ULK4: variants seen among roughly 807,000 people sequenced by gnomAD.
ULK4 encodes inactive serine/threonine-protein kinase ULK4.
A neutral mutation model predicts 160.6 loss-of-function variants in ULK4; 133 were observed. The observed-to-expected ratio is 0.83, with a 90% CI of 0.72 to 0.96. ULK4 has a LOEUF of 0.96. ULK4 is among the 40% of genes least tolerant of loss of function. ULK4 has a pLI of 0.00. For missense variants in ULK4, 1,580 were observed against 1,499.5 expected (o/e 1.05, Z -0.89); for synonymous variants, 534 against 539.8 (o/e 0.99, Z 0.15).
At chr3:41,388,928 T>G (rs1184005787) in intron 35 of ULK4, among the ~76,000 whole-genome samples, 1 of 152,114 alleles carries the variant, frequency 6.6e-6, no homozygotes, top group Non-Finnish European at 1.5e-5. Context: ...ATTGGTAGCT[T>G]GATGGGGATG....
rs1235314925 is a variant in ULK4 at position 41,696,157 on chromosome 3, G to A, written c.2781+8900C>T. 9.9e-5 allele frequency among the ~76,000 whole-genome samples: 15 copies of A among 152,118 alleles called. 1 individual carries two copies. Among genetic ancestry groups the A allele is most frequent in the Admixed American group, 7.9e-4 (12 of 15,276 alleles). Reference sequence around the variant, plus strand: ...AAAAGACTCTACTCCTCCACCTCTTGTGGAAGGCCTGACATGAGTCAGGCC... The same window carrying A: ...AAAAGACTCTACTCCTCCACCTCTTATGGAAGGCCTGACATGAGTCAGGCC... On this transcript the variant is annotated intron_variant, in intron 27 of 36. Transcript: ENST00000301831.
At chr3:41,335,260 T>C (rs2080531145) in intron 35 of ULK4, among the ~76,000 whole-genome samples, 1 of 152,220 alleles carries the variant, frequency 6.6e-6, no homozygotes, top group South Asian at 2.1e-4. Context: ...ACAGGTCATT[T>C]AATGCTGGTT....
At chr3:41,896,563 A>AT (rs1030753021) in intron 15 of ULK4, among the ~76,000 whole-genome samples, 4 of 151,752 alleles carry the variant, frequency 2.6e-5, no homozygotes, top group Admixed American at 2.0e-4. Context: ...CTGATTTCAG[A>AT]TTTTTTTTTA....
intron 21 of ULK4, chr3:41,767,013 A>T (rs974518855): frequency 6.6e-6 from 1 of 152,246 alleles, no homozygotes; most frequent in Admixed American, 6.5e-5. Flanking sequence ...TAACTGTGAA[A>T]TATGTTCACT....
At chr3:41,559,025 C>T (rs113993526) in intron 32 of ULK4, among the ~76,000 whole-genome samples, 7 of 113,710 alleles carry the variant, frequency 6.2e-5, no homozygotes, top group Non-Finnish European at 7.8e-5. Context: ...ATCCCTCCCC[C>T]CTACCCCCAC....
chr3:41,663,228 AAAAG>A (rs1364380327), intron 30 of ULK4, among the ~76,000 whole-genome samples: 3 of 152,170 alleles, frequency 2.0e-5, no homozygotes, highest in African/African-American at 7.2e-5. Context: ...CTCAAAAAAA[AAAAG>A]AAAAGTATGT....
At chr3:41,536,739 G>A (rs1559376432) in intron 32 of ULK4, among the ~76,000 whole-genome samples, 1 of 152,180 alleles carries the variant, frequency 6.6e-6, no homozygotes, top group Non-Finnish European at 1.5e-5. Context: ...TGAGGAGGAA[G>A]AGGAGGGGTT....
intron 2 of ULK4, among the ~76,000 whole-genome samples, chr3:41,939,469 T>C (rs1308905386): frequency 6.7e-6 from 1 of 148,210 alleles, no homozygotes; most frequent in Non-Finnish European, 1.5e-5. Context: ...CAAGCAATGA[T>C]TATCTGTAGG....
chr3:41,555,368 C>A (rs930007783), intron 32 of ULK4, among the ~76,000 whole-genome samples: 5 of 147,870 alleles, frequency 3.4e-5, no homozygotes, highest in African/African-American at 1.2e-4. Context: ...AGGCAAAGGA[C>A]ATGAACAGAT....
In ULK4 at chr3:41,809,493, C is replaced by T. The variant is rs576412499; in HGVS notation, c.1849-9200G>A. On this transcript the variant is annotated intron_variant, in intron 19 of 36. Transcript: ENST00000301831. ...TGGTGCTCTTTATTGAAAAAGTAGG[C>T]GTGTAGACTAAGATTATATTTGTGT... Among the ~76,000 whole-genome samples the T allele has an allele frequency of 1.3e-3, 196 of 152,152 alleles. 1 individual carries two copies. The highest frequency in any genetic ancestry group is 0.01 in the Middle Eastern group (3 of 294).
At chr3:41,371,939 G>A (rs1244828398) in intron 35 of ULK4, among the ~76,000 whole-genome samples, 1 of 152,014 alleles carries the variant, frequency 6.6e-6, no homozygotes, top group Non-Finnish European at 1.5e-5. Context: ...CCAGTTTAGA[G>A]AAGAACATAA....
chr3:41,829,791 A>G (rs1486597241), intron 18 of ULK4, among the ~76,000 whole-genome samples: 2 of 146,652 alleles, frequency 1.4e-5, no homozygotes, highest in African/African-American at 2.7e-5. Flanking sequence ...CCATCCCATT[A>G]CTGGGTATAT....
intron 25 of ULK4, among the ~76,000 whole-genome samples, chr3:41,706,765 T>C (rs939293592): frequency 6.7e-6 from 1 of 148,386 alleles, no homozygotes; most frequent in Non-Finnish European, 1.5e-5. Flanking sequence ...GAAGCGGAGG[T>C]TGTAGTGAGC....
At chr3:41,253,160 G>C (rs948954478) in intron 35 of ULK4, among the ~76,000 whole-genome samples, 1 of 152,010 alleles carries the variant, frequency 6.6e-6, no homozygotes, top group Non-Finnish European at 1.5e-5. Context: ...TTTACTAAAG[G>C]AAGTTCTTCA....
At chr3:41,953,322 G>C (rs1576012611) in intron 2 of ULK4, among the ~76,000 whole-genome samples, 1 of 40,572 alleles carries the variant, frequency 2.5e-5, no homozygotes, top group South Asian at 8.6e-4. Context: ...TTTTTTTTGA[G>C]ATGGAGTCCC....
chr3:41,905,535 C>T (rs1698521708), intron 12 of ULK4, among the ~76,000 whole-genome samples: 1 of 151,510 alleles, frequency 6.6e-6, no homozygotes. Context: ...TCAAAGGACA[C>T]CATCAAGAAA....
At position 41,955,000 on chromosome 3, in the gene ULK4, A is replaced by G. The variant is rs147135019; in HGVS notation, c.-48-193T>C. Among the ~76,000 whole-genome samples the G allele has an allele frequency of 5.7e-3, 875 of 152,312 alleles. 5 individuals carry two copies. Among genetic ancestry groups the G allele is most frequent in the Non-Finnish European group, 9.5e-3 (649 of 68,026 alleles). Reference sequence around the variant, plus strand: ...GAACGAAACTACGGGGCAAATAAATAAAACTTCACAGCCGGCGCAGTGGCT... The same window carrying G: ...GAACGAAACTACGGGGCAAATAAATGAAACTTCACAGCCGGCGCAGTGGCT... On this transcript the variant is annotated intron_variant, in intron 1 of 36. Coordinates refer to ENST00000301831, the MANE Select transcript of ULK4 (RefSeq NM_017886.4).
In ULK4 at chr3:41,431,547, C is replaced by CTTTTTTTTT. The variant is rs1553664758; in HGVS notation, c.3492+23941_3492+23949dup. Among the ~76,000 whole-genome samples the CTTTTTTTTT allele has an allele frequency of 1.1e-4, 11 of 95,848 alleles. 1 individual carries two copies. Among genetic ancestry groups the CTTTTTTTTT allele is most frequent in the African/African-American group, 3.0e-4 (7 of 23,678 alleles). 62.9% of individuals were successfully genotyped at this position (95,848 alleles called of 152,430 possible). A position where few individuals can be genotyped will look rare whatever the true frequency, so the allele number is the denominator to read the frequency against. ...CCTGTGAGGTGTTGTAATTCCCTCCCTTTTTTTTTTTTTTTGATGTGGAAA... is the reference window on the plus strand; with the variant it reads ...CCTGTGAGGTGTTGTAATTCCCTCCCTTTTTTTTTTTTTTTTTTTTTTTTGATGTGGAAA... On this transcript the variant is annotated intron_variant, in intron 34 of 36. Transcript: ENST00000301831.
chr3:41,943,916 T>G lies in ULK4; in HGVS notation c.139-5719A>C, dbSNP rs1575995626. Among the ~76,000 whole-genome samples, 3 of 152,320 alleles carry G rather than the reference T, an allele frequency of 2.0e-5. No individual in the cohort carries two copies. The South Asian group carries it at 6.2e-4, about 32-fold the overall frequency. ...TACAAACATGCTGAAATTATTATCCTTATGGAAAAGCTGCTAGCTGCTTAC... is the reference window on the plus strand; with the variant it reads ...TACAAACATGCTGAAATTATTATCCGTATGGAAAAGCTGCTAGCTGCTTAC... On this transcript the variant is annotated intron_variant, in intron 2 of 36. Coordinates refer to ENST00000301831, the MANE Select transcript of ULK4 (RefSeq NM_017886.4).
Sources: allele counts gnomAD v4.1 joint callset (sites outside exome capture counted in the v4.1 genomes callset), GRCh38; gene constraint gnomAD v4.1.1; transcripts MANE v1.5; gene names NCBI Gene and HGNC (gene_info 2026-07-23, HGNC 2026-07-21).